ADAMTSL1: variants seen among roughly 807,000 people sequenced by gnomAD.
ADAMTSL1 encodes ADAMTS-like protein 1.
ADAMTSL1 carries 126 observed loss-of-function variants against 201.8 expected under a neutral mutation model. The observed-to-expected ratio is 0.62, with a 90% confidence interval of 0.54 to 0.72. The LOEUF (loss-of-function observed/expected upper bound fraction) is 0.72. Ranked by LOEUF, ADAMTSL1 falls within the 30% of genes least tolerant of loss-of-function variation. ADAMTSL1 has a pLI of 0.00. For synonymous variants in ADAMTSL1, 1,121 were observed against 903.4 expected (o/e 1.24, Z -4.32); for missense variants, 2,679 against 2,277.8 (o/e 1.18, Z -3.59).
chr9:18,177,196 T>A (rs1211282570), intron 2 of ADAMTSL1, among the ~76,000 whole-genome samples: 1 of 152,222 alleles, frequency 6.6e-6, no homozygotes, highest in Non-Finnish European at 1.5e-5. Flanking sequence ...TTCATCTTTA[T>A]GTATTACATA....
chr9:18,027,550 C>T (rs1306271353), intron 1 of ADAMTSL1, among the ~76,000 whole-genome samples: 2 of 151,658 alleles, frequency 1.3e-5, no homozygotes, highest in Admixed American at 1.3e-4. Flanking sequence ...TACTGATTTC[C>T]ATTTTTATTC....
At chr9:18,587,241 A>C (rs7867370) in intron 4 of ADAMTSL1, among the ~76,000 whole-genome samples, 49,590 of 152,058 alleles carry the variant, frequency 0.33, 8,440 homozygotes, top group East Asian at 0.52. Context: ...AAGGAACTTA[A>C]ACAAGTTTAT....
At position 18,564,184 on chromosome 9, in the gene ADAMTSL1, T is replaced by C. The variant is rs535786786; in HGVS notation, c.238-9846T>C. Among the ~76,000 whole-genome samples, 12 of 152,338 alleles carry C rather than the reference T, an allele frequency of 7.9e-5. No homozygotes were observed. The South Asian group carries it at 2.5e-3, about 32-fold the overall frequency. The stretch of plus-strand genomic sequence containing the variant: ...ATCCTGGTCTGCGCATTGCAAAGAC[T>C]GTGGGAAGAGCATACTGGCTGGGCC... On this transcript the variant is annotated intron_variant, in intron 3 of 28. Transcript: ENST00000380548.
At chr9:18,452,848 C>T (rs1820462158) in intron 2 of ADAMTSL1, among the ~76,000 whole-genome samples, 2 of 152,228 alleles carry the variant, frequency 1.3e-5, no homozygotes, top group African/African-American at 4.8e-5. Flanking sequence ...CTTTGCTGGG[C>T]TTAGTCCACC....
chr9:18,160,847 ATTTTT>A (rs35532729), intron 1 of ADAMTSL1, among the ~76,000 whole-genome samples: 1 of 119,284 alleles, frequency 8.4e-6, no homozygotes, highest in Non-Finnish European at 1.7e-5. Context: ...ACCTGGCTAA[ATTTTT>A]TTTTTTTTTT....
intron 2 of ADAMTSL1, among the ~76,000 whole-genome samples, chr9:18,249,167 G>C (rs114922901): frequency 7.0e-4 from 107 of 152,242 alleles, no homozygotes; most frequent in African/African-American, 2.5e-3. Context: ...CAGTTGTTTC[G>C]TTAATCCCAA....
In ADAMTSL1 at chr9:18,290,875, A is replaced by G. The variant is rs948979598; in HGVS notation, c.207+126894A>G. The stretch of plus-strand genomic sequence containing the variant: ...TGGCTCACTACAAGCTCTGCCTCCC[A>G]GGTTCACGCCATTCTCCTGCCTCAG... On this transcript the variant is annotated intron_variant, in intron 2 of 29. Transcript: ENST00000680146. Among the ~76,000 whole-genome samples the G allele has an allele frequency of 4.8e-5, 7 of 147,062 alleles. No individual in the cohort carries two copies. In the South Asian group the frequency reaches 8.5e-4, roughly 18 times the overall value.
intron 15 of ADAMTSL1, among the ~76,000 whole-genome samples, chr9:18,730,549 G>C: frequency 6.6e-6 from 1 of 152,300 alleles, no homozygotes; most frequent in East Asian, 1.9e-4. Flanking sequence ...GAATTCTTCC[G>C]TCATTCATGT....
chr9:18,399,328 TAA>T (rs1447299009), intron 2 of ADAMTSL1, among the ~76,000 whole-genome samples: 14 of 107,660 alleles, frequency 1.3e-4, no homozygotes, highest in Non-Finnish European at 2.1e-4. Context: ...TATATATATA[TAA>T]AATTATTATT....
chr9:18,569,681 T>A (rs1053887612), intron 3 of ADAMTSL1, among the ~76,000 whole-genome samples: 9 of 152,204 alleles, frequency 5.9e-5, no homozygotes, highest in African/African-American at 1.9e-4. Context: ...TGGAATGCAT[T>A]TGGTCCATAT....
At chr9:18,780,686 T>C (rs757927903) in intron 19 of ADAMTSL1, among the ~76,000 whole-genome samples, 9 of 152,178 alleles carry the variant, frequency 5.9e-5, no homozygotes, top group Non-Finnish European at 7.4e-5. Flanking sequence ...CTGTATTACA[T>C]AAAAAGCATA....
chr9:17,926,638 G>A (rs1312235518), intron 1 of ADAMTSL1, among the ~76,000 whole-genome samples: 1 of 152,202 alleles, frequency 6.6e-6, no homozygotes, highest in Non-Finnish European at 1.5e-5. Context: ...AAAACAAGAG[G>A]TGCTTTTGCT....
intron 2 of ADAMTSL1, among the ~76,000 whole-genome samples, chr9:18,341,944 T>C (rs1835480764): frequency 6.6e-6 from 1 of 152,196 alleles, no homozygotes; most frequent in African/African-American, 2.4e-5. Context: ...GCTTGGTTGA[T>C]GTCCACTTTG....
In ADAMTSL1 at chr9:18,268,373, A is replaced by G. The variant is rs1050247046; in HGVS notation, c.207+104392A>G. On this transcript the variant is annotated intron_variant, in intron 2 of 29. Coordinates refer to the ADAMTSL1 transcript ENST00000680146. ...AGTTTCTTTCTACTTTATTTGGTTT[A>G]TCAGTTTTAAATTACAAAATCACAG... Among the ~76,000 whole-genome samples the G allele has an allele frequency of 3.9e-5, 6 of 152,214 alleles. No individual in the cohort carries two copies. The South Asian group carries it at 1.0e-3, about 26-fold the overall frequency.
At chr9:17,939,698 C>T (rs1157372577) in intron 1 of ADAMTSL1, among the ~76,000 whole-genome samples, 1 of 151,962 alleles carries the variant, frequency 6.6e-6, no homozygotes, top group African/African-American at 2.4e-5. Flanking sequence ...ACTTAGGGCC[C>T]ATTTATTGAA....
chr9:18,467,091 C>T (rs1456393505), intron 2 of ADAMTSL1, among the ~76,000 whole-genome samples: 2 of 152,130 alleles, frequency 1.3e-5, no homozygotes, highest in African/African-American at 4.8e-5. Context: ...GTAAAGGGTG[C>T]TGTACTCCGT....
chr9:17,928,070 C>T (rs975642017), intron 1 of ADAMTSL1, among the ~76,000 whole-genome samples: 1 of 151,526 alleles, frequency 6.6e-6, no homozygotes, highest in African/African-American at 2.4e-5. Context: ...TCAGGACTCA[C>T]TGCAGCCTCG....
intron 1 of ADAMTSL1, among the ~76,000 whole-genome samples, chr9:18,097,608 C>A (rs73645715): frequency 6.6e-6 from 1 of 152,152 alleles, no homozygotes; most frequent in African/African-American, 2.4e-5. Flanking sequence ...TTTCATCAAT[C>A]TAATGCATGT....
chr9:18,050,525 A>T (rs557598328), intron 1 of ADAMTSL1, among the ~76,000 whole-genome samples: 6 of 152,340 alleles, frequency 3.9e-5, no homozygotes, highest in African/African-American at 1.2e-4. Flanking sequence ...TATTGAAAGT[A>T]TCTCCTTATT....
Sources: gnomAD v4.1 joint callset for allele counts (sites outside exome capture counted in the v4.1 genomes callset) on GRCh38, gnomAD v4.1.1 for gene constraint, MANE v1.5 for transcripts, NCBI Gene and HGNC (gene_info 2026-07-23, HGNC 2026-07-21) for gene names.